Variants in PIK3CD observed in about 807,000 individuals in gnomAD.
The protein encoded by PIK3CD is phosphatidylinositol 4,5-bisphosphate 3-kinase catalytic subunit delta isoform.
PIK3CD carries 20 observed loss-of-function variants against 122.9 expected under a neutral mutation model. The observed-to-expected ratio is 0.16, with a 90% CI of 0.11 to 0.24. The LOEUF is 0.24. Ranked by LOEUF, PIK3CD falls within the 10% of genes least tolerant of loss-of-function variation. The pLI, the probability that PIK3CD is intolerant of heterozygous loss-of-function variation, is 1.00. For missense variants in PIK3CD, 787 were observed against 1,406.3 expected (o/e 0.56, Z 7.04); for synonymous variants, 596 against 593.4 (o/e 1.00, Z -0.06).
At chr1:9,692,099 C>A (rs1355266152) in intron 2 of PIK3CD, among the ~76,000 whole-genome samples, 1 of 152,132 alleles carries the variant, frequency 6.6e-6, no homozygotes, top group Non-Finnish European at 1.5e-5. Flanking sequence ...GCAGTCCTTT[C>A]ATGGTGCAAA....
intron 1 of PIK3CD, among the ~76,000 whole-genome samples, chr1:9,661,385 T>TTTTTC (rs1645004595): frequency 1.3e-5 from 2 of 151,352 alleles, no homozygotes; most frequent in Non-Finnish European, 1.5e-5. Context: ...CAGCCAAGGA[T>TTTTTC]TTTTCTTTTC....
rs1272422527 is a variant in PIK3CD, at chr1:9,720,143, C to T, written c.1371C>T (p.Gly457=). 1 of 1,613,098 alleles carries T rather than the reference C, an allele frequency of 6.2e-7. No individual in the cohort carries two copies. Among genetic ancestry groups the T allele is most frequent in the African/African-American group, 1.3e-5 (1 of 74,938 alleles). The change falls in exon 11 of 24, where the codon GGC becomes GGT. Residue 457 remains glycine (G), a synonymous_variant. Coordinates refer to ENST00000377346, the MANE Select transcript of PIK3CD (RefSeq NM_005026.5). The surrounding 1 kb of genome is among the most constrained non-coding windows in gnomAD (Gnocchi z 9.0). ...DEKGELLNPT[G]TVRSNPNTDS... is the part of the protein sequence containing the mutation. ...AGGGCGAGCTGCTGAACCCCACGGG[C>T]ACTGTGCGCAGTAACCCCAACACGG...
At chr1:9,671,769 A>T (rs527527118) in intron 1 of PIK3CD, among the ~76,000 whole-genome samples, 1 of 152,250 alleles carries the variant, frequency 6.6e-6, no homozygotes, top group Non-Finnish European at 1.5e-5. Context: ...CTAGCCTTTC[A>T]AGGTAGGAAG....
intron 1 of PIK3CD, chr1:9,654,403 T>C (rs1351239047): frequency 7.3e-7 from 1 of 1,367,522 alleles, no homozygotes. Flanking sequence ...CCAGGGGCTG[T>C]GCTAAGAACA....
rs199549932 is a variant in PIK3CD, at chr1:9,721,163, G to A, written c.1726G>A (p.Val576Ile). The change falls in exon 14 of 24, where the codon GTC becomes ATC. Residue 576 changes from valine (V) to isoleucine (I), a missense_variant. Transcript: ENST00000377346. ...GCTGTGCTCCTGGCCGGAGCTGCCC[G>A]TCCTGAGCGCCCTGGAGCTGCTAGA... ...YLLCSWPELP[V>I]LSALELLDFS... 109 of 1,612,896 alleles carry A rather than the reference G, an allele frequency of 6.8e-5. No individual in the cohort carries two copies. The East Asian group carries it at 8.5e-4, about 13-fold the overall frequency.
intron 1 of PIK3CD, among the ~76,000 whole-genome samples, chr1:9,690,755 C>T (rs1259490089): frequency 6.6e-6 from 1 of 152,140 alleles, no homozygotes; most frequent in Non-Finnish European, 1.5e-5. Context: ...ATGGAGAAGC[C>T]GGTGGTTTTG....
At position 9,717,968 on chromosome 1, in the gene PIK3CD, G is replaced by T. The variant is rs1647809957; in HGVS notation, c.1020+342G>T. ...AAGAGGGGCTGGGTCCAGCTGGGCTGGGGGCTGTGGTGCTCCCTGGAGGCA... is the reference window on the plus strand; with the variant it reads ...AAGAGGGGCTGGGTCCAGCTGGGCTTGGGGCTGTGGTGCTCCCTGGAGGCA... On this transcript the variant is annotated intron_variant, in intron 8 of 23. Transcript: ENST00000377346. The surrounding 1 kb of genome is among the most constrained non-coding windows in gnomAD (Gnocchi z 5.4). 6.6e-6 allele frequency among the ~76,000 whole-genome samples: 1 copy of T among 152,152 alleles called. No individual in the cohort carries two copies. Among genetic ancestry groups the T allele is most frequent in the African/African-American group, 2.4e-5 (1 of 41,444 alleles).
At chr1:9,674,521 C>G (rs1272826063) in intron 1 of PIK3CD, among the ~76,000 whole-genome samples, 2 of 151,646 alleles carry the variant, frequency 1.3e-5, no homozygotes, top group Admixed American at 6.6e-5. Flanking sequence ...GAAACCTTGT[C>G]TCTACTAAAA....
intron 1 of PIK3CD, chr1:9,653,921 T>A: frequency 7.3e-7 from 1 of 1,366,570 alleles, no homozygotes. Flanking sequence ...AAAACCCAGT[T>A]GTGGCTGAGA....
chr1:9,653,775 A>G (rs1386625656), intron 1 of PIK3CD: 11 of 1,361,162 alleles, frequency 8.1e-6, no homozygotes, highest in Non-Finnish European at 1.1e-5. Flanking sequence ...GGCCTGCTGG[A>G]GTTTCATTTC....
At chr1:9,680,804 G>A (rs4846190) in intron 1 of PIK3CD, 1 of 152,228 alleles carries the variant, frequency 6.6e-6, no homozygotes, top group Non-Finnish European at 1.5e-5. Flanking sequence ...TGGCGTATTA[G>A]TTACTGGTTG....
the PIK3CD span, among the ~76,000 whole-genome samples, chr1:9,643,349 A>C: frequency 6.6e-6 from 1 of 150,728 alleles, no homozygotes; most frequent in Non-Finnish European, 1.5e-5. Context: ...TGGAGGTTGC[A>C]GTAAGCTAAG....
rs546168747 is a variant in PIK3CD at position 9,710,703 on chromosome 1, G to A, written c.141+107G>A. 71 of 1,252,630 alleles carry A rather than the reference G, an allele frequency of 5.7e-5. No individual in the cohort carries two copies. The highest frequency in any genetic ancestry group is 1.2e-4 in the Admixed American group (7 of 57,592). The allele number at this position is 1,252,630 out of a possible 1,614,324, so 77.6% of individuals were successfully genotyped here. On this transcript the variant is annotated intron_variant, in intron 3 of 23. Coordinates refer to ENST00000377346, the MANE Select transcript of PIK3CD (RefSeq NM_005026.5). This position sits in a 1 kb window ranked among gnomAD's most constrained non-coding sequence, Gnocchi z 4.7. ...CAGACAGATGGACAGGTGGACAGACGGACAGACAGATGGACAGATGCACTG... is the reference window on the plus strand; with the variant it reads ...CAGACAGATGGACAGGTGGACAGACAGACAGACAGATGGACAGATGCACTG...
intron 1 of PIK3CD, among the ~76,000 whole-genome samples, chr1:9,675,473 A>T (rs1048031193): frequency 6.6e-6 from 1 of 152,040 alleles, no homozygotes; most frequent in African/African-American, 2.4e-5. Context: ...TGAGGCACAG[A>T]AAGGGGAAGT....
At chr1:9,628,283 C>G in the PIK3CD span, among the ~76,000 whole-genome samples, 1 of 152,080 alleles carries the variant, frequency 6.6e-6, no homozygotes, top group South Asian at 2.1e-4. Context: ...GCCTGGGTGA[C>G]AGAGTGAGAC....
rs770571023 is a variant in PIK3CD, at chr1:9,722,614, C to T, written c.2426+8C>T. The T allele has an allele frequency of 1.1e-4, 178 of 1,609,444 alleles. 10 individuals are homozygous for T. The South Asian group carries it at 2.0e-3, about 18-fold the overall frequency. ...GGAGGGGCTGGACCTGAGGTGAGGA[C>T]CCCCACCCCACATCGTCCCTTGGTG... On this transcript the variant is annotated splice_region_variant and intron_variant, in intron 19 of 23. Transcript: ENST00000377346. This position sits in a 1 kb window ranked among gnomAD's most constrained non-coding sequence, Gnocchi z 7.6.
In PIK3CD at chr1:9,718,940, G is replaced by T; in HGVS notation, c.1242+25G>T. The stretch of plus-strand genomic sequence containing the variant: ...GGTGGGTCCCAGGGCCGGCTGGGAG[G>T]GGTGCAGACCCCGGAGAGCCAGTAC... On this transcript the variant is annotated intron_variant, in intron 9 of 23. Transcript: ENST00000377346. The surrounding 1 kb of genome is among the most constrained non-coding windows in gnomAD (Gnocchi z 7.2). 1 of 1,602,308 alleles carries T rather than the reference G, an allele frequency of 6.2e-7. No individual in the cohort carries two copies. The highest frequency in any genetic ancestry group is 8.5e-7 in the Non-Finnish European group (1 of 1,172,828).
chr1:9,679,799 G>GT (rs1169835098), intron 1 of PIK3CD, among the ~76,000 whole-genome samples: 5 of 152,112 alleles, frequency 3.3e-5, no homozygotes, highest in African/African-American at 9.7e-5. Flanking sequence ...CAATGCAATG[G>GT]TTTTTTGTTG....
rs1208532721 is a variant in PIK3CD at position 9,689,779 on chromosome 1, G to A, written c.-137-1688G>A. Among the ~76,000 whole-genome samples, 1 of 151,596 alleles carries A rather than the reference G, an allele frequency of 6.6e-6. No homozygotes were observed. Among genetic ancestry groups the A allele is most frequent in the Non-Finnish European group, 1.5e-5 (1 of 67,792 alleles). ...GTCCCCGTGCCCCGCCCCCAGCCCC[G>A]CCGGGCGTCCCACCCCGCCCAGCCC... On this transcript the variant is annotated intron_variant, in intron 1 of 23. Coordinates refer to ENST00000377346, the MANE Select transcript of PIK3CD (RefSeq NM_005026.5). This position sits in a 1 kb window ranked among gnomAD's most constrained non-coding sequence, Gnocchi z 6.1.
Sources: allele counts gnomAD v4.1 joint callset (sites outside exome capture counted in the v4.1 genomes callset), GRCh38; gene constraint gnomAD v4.1.1; non-coding constraint Gnocchi (gnomAD v3.1); transcripts MANE v1.5; gene names NCBI Gene and HGNC (gene_info 2026-07-23, HGNC 2026-07-21).